GIT1: variants seen among roughly 807,000 people sequenced by gnomAD.
GIT1 encodes GIT ArfGAP 1, also known as ARF GTPase-activating protein GIT1.
A neutral mutation model predicts 91.7 loss-of-function variants in GIT1; 14 were observed. The ratio of observed to expected loss-of-function variants is 0.15; its 90% CI spans 0.10 to 0.24. The LOEUF (loss-of-function observed/expected upper bound fraction) is 0.24, where lower values mean the gene tolerates loss of function less well. GIT1 is among the 10% of genes least tolerant of loss of function. The pLI is 1.00. For synonymous variants in GIT1, 414 were observed against 418.2 expected (o/e 0.99, Z 0.12); for missense variants, 717 against 1,024.9 (o/e 0.70, Z 4.10).
At position 29,576,081 on chromosome 17, in the gene GIT1, G is replaced by A. The variant is rs1326458548; in HGVS notation, c.1662C>T (p.Tyr554=). The A allele has an allele frequency of 4.3e-6, 7 of 1,613,564 alleles. No individual in the cohort carries two copies. Among genetic ancestry groups the A allele is most frequent in the East Asian group, 4.5e-5 (2 of 44,888 alleles). ...IYSVHVPAGL[Y]RIRKGVSASA... is the part of the protein sequence containing the mutation. Reference sequence around the variant, plus strand: ...GACACGCCTTCCCCAGGCTTACCCGGTAAAGGCCAGCAGGGACGTGCACTG... The same window carrying A: ...GACACGCCTTCCCCAGGCTTACCCGATAAAGGCCAGCAGGGACGTGCACTG... Residue 554 remains tyrosine, a synonymous_variant, in exon 15 of 20, where the codon TAC becomes TAT. Coordinates refer to ENST00000225394, the MANE Select transcript of GIT1 (RefSeq NM_014030.4).
intron 1 of GIT1, among the ~76,000 whole-genome samples, chr17:29,586,304 CTTTA>C (rs1211940416): frequency 2.0e-5 from 3 of 152,122 alleles, no homozygotes; most frequent in African/African-American, 4.8e-5. Flanking sequence ...TTTTTTGTGA[CTTTA>C]TTTTTTATTT....
intron 7 of GIT1, among the ~76,000 whole-genome samples, chr17:29,580,555 G>A (rs2033361704): frequency 6.6e-6 from 1 of 152,214 alleles, no homozygotes; most frequent in Non-Finnish European, 1.5e-5. Flanking sequence ...CTGCCTCTCA[G>A]ACGGAAGCAG....
At chr17:29,576,756 C>T in intron 12 of GIT1, 82 bp from the exon 13 acceptor site, 1 of 1,588,258 alleles carries the variant, frequency 6.3e-7, no homozygotes, top group Non-Finnish European at 8.6e-7. Context: ...AGGCTAGGAG[C>T]AGCCCACCTG....
rs770452301 is a variant in GIT1 at position 29,582,162 on chromosome 17, T to C, written c.406-18A>G. The C allele has an allele frequency of 5.2e-6, 8 of 1,531,384 alleles. No homozygotes were observed. The highest frequency in any genetic ancestry group is 2.0e-4 in the Middle Eastern group (1 of 4,884). 94.9% of individuals were successfully genotyped at this position (1,531,384 alleles called of 1,614,324 possible). ...TGTAGTTGCTAAGAGGAGCAGAGTG[T>C]GCAGTGAATACGCATGTGCGTGAGG... On this transcript the variant is annotated intron_variant, in intron 4 of 19. Transcript: ENST00000225394.
chr17:29,583,670 T>C, intron 1 of GIT1, 54 bp from the exon 2 acceptor site: 1 of 1,527,356 alleles, frequency 6.5e-7, no homozygotes. Context: ...CCAGACCTCC[T>C]GAGCACCTGC....
Position 29,575,776 on chromosome 17 carries a change from C to G in GIT1, c.1752+36G>C. 1 of 1,609,948 alleles carries G rather than the reference C, an allele frequency of 6.2e-7. No homozygotes were observed. Among genetic ancestry groups the G allele is most frequent in the Non-Finnish European group, 8.5e-7 (1 of 1,176,660 alleles). ...CACTGCCCCTAGCCCACACGGCCCC[C>G]AGCCACCCTGTGGGCACTGGGCATG... On this transcript the variant is annotated intron_variant, in intron 16 of 19. Transcript: ENST00000225394. This position sits in a 1 kb window ranked among gnomAD's most constrained non-coding sequence, Gnocchi z 5.5.
intron 1 of GIT1, among the ~76,000 whole-genome samples, chr17:29,584,112 G>A (rs544001695): frequency 1.3e-5 from 2 of 152,362 alleles, no homozygotes; most frequent in African/African-American, 4.8e-5. Context: ...GGAGCCTCCT[G>A]CCATCATCAC....
At position 29,575,559 on chromosome 17, in the gene GIT1, C is replaced by T. The variant is rs1359941242; in HGVS notation, c.1826+71G>A. ...GGAGCCGCCCGCCTTGGTCCTCACA[C>T]ACTGGGGGCCCTCTCAACCTCCCCG... On this transcript the variant is annotated intron_variant, in intron 17 of 19. Transcript: ENST00000225394. The surrounding 1 kb of genome is among the most constrained non-coding windows in gnomAD (Gnocchi z 5.5). 1.1e-5 allele frequency: 17 copies of T among 1,563,022 alleles called. No individual in the cohort carries two copies. Among genetic ancestry groups the T allele is most frequent in the Non-Finnish European group, 1.4e-5 (16 of 1,142,594 alleles).
At chr17:29,583,099 C>T in intron 2 of GIT1, 62 bp from the exon 3 acceptor site, 1 of 1,119,834 alleles carries the variant, frequency 8.9e-7, no homozygotes, top group Non-Finnish European at 1.3e-6. Flanking sequence ...GGGGGAAACA[C>T]TTCCTGAGCG....
At chr17:29,588,483 G>A (rs1336936136) in intron 1 of GIT1, among the ~76,000 whole-genome samples, 1 of 152,220 alleles carries the variant, frequency 6.6e-6, no homozygotes, top group African/African-American at 2.4e-5. Flanking sequence ...TGTAAATACA[G>A]CCAGGAGACA....
chr17:29,578,288 C>A lies in GIT1; in HGVS notation c.883+11G>T. ...GTCCTCCACGCCAGACACTCCTGCTCCCTGACTCACCTGCATCATTTTCTC... is the reference window on the plus strand; with the variant it reads ...GTCCTCCACGCCAGACACTCCTGCTACCTGACTCACCTGCATCATTTTCTC... On this transcript the variant is annotated intron_variant, in intron 9 of 19. Transcript: ENST00000225394. 6.2e-7 allele frequency: 1 copy of A among 1,610,634 alleles called. No homozygotes were observed. The highest frequency in any genetic ancestry group is 8.5e-7 in the Non-Finnish European group (1 of 1,176,826).
intron 7 of GIT1, chr17:29,580,965 G>A (rs982390561): frequency 2.3e-5 from 6 of 256,114 alleles, no homozygotes; most frequent in African/African-American, 1.3e-4. Flanking sequence ...TTTTGGTAGA[G>A]ACGGGGTTTC....
chr17:29,589,285 G>A lies in GIT1; in HGVS notation c.52+42C>T. 1.1e-6 allele frequency: 1 copy of A among 926,828 alleles called. No individual in the cohort carries two copies. Among genetic ancestry groups the A allele is most frequent in the Non-Finnish European group, 1.3e-6 (1 of 774,072 alleles). 57.4% of individuals were successfully genotyped at this position (926,828 alleles called of 1,614,324 possible). A position where few individuals can be genotyped will look rare whatever the true frequency, so the allele number is the denominator to read the frequency against. On this transcript the variant is annotated intron_variant, in intron 1 of 19. Transcript: ENST00000225394. The surrounding 1 kb of genome is among the most constrained non-coding windows in gnomAD (Gnocchi z 5.2). ...CAGGCCCCGGCGCCCGCCCGGCGGCGGCCTGGCTGTGCGGTCCCGCCCCCG... is the reference window on the plus strand; with the variant it reads ...CAGGCCCCGGCGCCCGCCCGGCGGCAGCCTGGCTGTGCGGTCCCGCCCCCG...
intron 1 of GIT1, among the ~76,000 whole-genome samples, chr17:29,584,655 C>A (rs767575243): frequency 1.3e-5 from 2 of 152,218 alleles, no homozygotes; most frequent in Admixed American, 6.5e-5. Flanking sequence ...CGGCCCCCAC[C>A]CTGTCTCAGG....
chr17:29,584,514 C>A (rs1204274210), intron 1 of GIT1, among the ~76,000 whole-genome samples: 3 of 152,200 alleles, frequency 2.0e-5, no homozygotes, highest in Non-Finnish European at 4.4e-5. Context: ...TGCCACCCAT[C>A]CTAGGCCCCT....
intron 7 of GIT1, chr17:29,579,411 T>G: frequency 1.9e-5 from 4 of 215,328 alleles, no homozygotes; most frequent in Admixed American, 5.2e-5. Context: ...GGCACTGCAG[T>G]GATAACAGGT....
At position 29,581,886 on chromosome 17, in the gene GIT1, A is replaced by ACCCCCCCCCC; in HGVS notation, c.623+40_623+41insGGGGGGGGGG. The ACCCCCCCCCC allele has an allele frequency of 6.2e-7, 1 of 1,600,364 alleles. No individual in the cohort carries two copies. The highest frequency in any genetic ancestry group is 8.5e-7 in the Non-Finnish European group (1 of 1,169,678). On this transcript the variant is annotated intron_variant, in intron 5 of 19. Coordinates refer to ENST00000225394, the MANE Select transcript of GIT1 (RefSeq NM_014030.4). This position sits in a 1 kb window ranked among gnomAD's most constrained non-coding sequence, Gnocchi z 4.8. ...ACCTGCAGCAGCAGCCCTCACCCAC[A>ACCCCCCCCCC]CCCCCACCCACCCACACTGCACCCT...
In GIT1 at chr17:29,589,304, GC is replaced by G. The variant is rs1226503220; in HGVS notation, c.52+22del. On this transcript the variant is annotated intron_variant, in intron 1 of 19. Transcript: ENST00000225394. This position sits in a 1 kb window ranked among gnomAD's most constrained non-coding sequence, Gnocchi z 5.2. ...GGCGGCGGCCTGGCTGTGCGGTCCC[GC>G]CCCCGGCCCCGCCGCGCTTACCCGG... 1.5e-5 allele frequency: 15 copies of G among 1,006,142 alleles called. No homozygotes were observed. The highest frequency in any genetic ancestry group is 1.7e-5 in the Non-Finnish European group (14 of 842,884). The allele number at this position is 1,006,142 out of a possible 1,614,324, so 62.3% of individuals were successfully genotyped here. A position where few individuals can be genotyped will look rare whatever the true frequency, so the allele number is the denominator to read the frequency against.
rs367937603 is a variant in GIT1 at position 29,581,949 on chromosome 17, G to A, written c.601C>T (p.Arg201Cys). 25 of 1,612,590 alleles carry A rather than the reference G, an allele frequency of 1.6e-5. No individual in the cohort carries two copies. In the African/African-American group the frequency reaches 1.9e-4, roughly 12 times the overall value. Residue 201 changes from arginine to cysteine, a missense_variant, in exon 5 of 20, where the codon CGC (arginine) becomes TGC (cysteine). This residue lies in a region of GIT1 where 271 missense variants were observed against 451.6 expected (regional missense o/e 0.60). Coordinates refer to ENST00000225394, the MANE Select transcript of GIT1 (RefSeq NM_014030.4). The surrounding 1 kb of genome is among the most constrained non-coding windows in gnomAD (Gnocchi z 4.8). ...CACCTGGCATAGTCAATGGGTGTGCGGCCATTAACATCAGGGGAGCCAGGG... is the reference window on the plus strand; with the variant it reads ...CACCTGGCATAGTCAATGGGTGTGCAGCCATTAACATCAGGGGAGCCAGGG... ...ADPGSPDVNG[R>C]TPIDYARQAG...
Sources: gnomAD v4.1 joint callset for allele counts (sites outside exome capture counted in the v4.1 genomes callset) on GRCh38, gnomAD v4.1.1 for gene constraint, gnomAD v4.1.1 regional missense constraint, Gnocchi (gnomAD v3.1) non-coding constraint, MANE v1.5 for transcripts, NCBI Gene and HGNC (gene_info 2026-07-23, HGNC 2026-07-21) for gene names.